The following FREM1 variants were observed in gnomAD, a reference collection of about 807,000 sequenced individuals.
The protein encoded by FREM1 is FRAS1 related extracellular matrix 1.
Under a neutral mutation model 210.1 loss-of-function variants are expected in FREM1, and 220 were observed. The observed-to-expected ratio is 1.05, with a 90% CI of 0.94 to 1.17. The LOEUF (loss-of-function observed/expected upper bound fraction) is 1.17. Ranked by LOEUF, FREM1 falls within the 50% of genes most tolerant of loss-of-function variation. FREM1 has a pLI of 0.00. For synonymous variants in FREM1, 1,189 were observed against 980.2 expected (o/e 1.21, Z -3.98); for missense variants, 3,454 against 2,675.5 (o/e 1.29, Z -6.42).
chr9:14,896,264 G>C (rs1349457546), intron 1 of FREM1, among the ~76,000 whole-genome samples: 1 of 152,172 alleles, frequency 6.6e-6, no homozygotes, highest in Non-Finnish European at 1.5e-5. Context: ...GGGAAGCATG[G>C]GCTGGGCCCC....
At chr9:14,841,702 C>A in intron 9 of FREM1, 113 bp from the exon 10 acceptor site, 1 of 641,156 alleles carries the variant, frequency 1.6e-6, no homozygotes, top group Admixed American at 3.0e-5. Flanking sequence ...TTCTATGTAC[C>A]CAAGGAATCT....
Position 14,860,571 on chromosome 9 carries a change from A to ATGTG in FREM1, c.330-1088_330-1087insCACA, listed in dbSNP as rs1564098947. ...CATATATATACACACATATATATAC[A>ATGTG]CATATATATACACATATATATACAT... is the stretch of plus-strand genomic sequence containing the variant. On this transcript the variant is annotated intron_variant, in intron 3 of 36. Transcript: ENST00000380880. Among the ~76,000 whole-genome samples the ATGTG allele has an allele frequency of 7.0e-3, 899 of 127,590 alleles. 82 individuals carry two copies. The highest frequency in any genetic ancestry group is 0.027 in the African/African-American group (773 of 28,328). 83.7% of individuals were successfully genotyped at this position (127,590 alleles called of 152,430 possible). A position where few individuals can be genotyped will look rare whatever the true frequency, so the allele number is the denominator to read the frequency against.
In FREM1 at chr9:14,816,830, A is replaced by C; in HGVS notation, c.2588T>G (p.Leu863Arg). ...ATTTGTGCCATCGGTGACCTCCAAG[A>C]GTAGGTCATCCTGAAGAACTTCAGT... ...DGTEVLQDDL[L>R]LEVTDGTNSA... Residue 863 changes from leucine (L) to arginine (R), a missense_variant, in exon 15 of 37, where the codon CTC becomes CGC. By Grantham distance (102) the Leu-to-Arg change is moderately radical. Coordinates refer to ENST00000380880, the MANE Select transcript of FREM1 (RefSeq NM_001379081.2). 1 of 1,446,344 alleles carries C rather than the reference A, an allele frequency of 6.9e-7. No homozygotes were observed. The allele number at this position is 1,446,344 out of a possible 1,614,324, so 89.6% of individuals were successfully genotyped here. A position where few individuals can be genotyped will look rare whatever the true frequency, so the allele number is the denominator to read the frequency against.
At chr9:14,817,399 G>C (rs1279365121) in intron 14 of FREM1, among the ~76,000 whole-genome samples, 8 of 152,112 alleles carry the variant, frequency 5.3e-5, no homozygotes, top group African/African-American at 1.9e-4. Flanking sequence ...CCATTGACTA[G>C]CTATCTTCCT....
In FREM1 at chr9:14,803,685, T is replaced by C. The variant is rs1444181438; in HGVS notation, c.3471+1271A>G. On this transcript the variant is annotated intron_variant, in intron 19 of 36. Transcript: ENST00000380880. ...TGCCTGGCCTAAAGCATCCTTTCAT[T>C]TCACCCTCTCTTACTGACTTTGAAG... is the stretch of plus-strand genomic sequence containing the variant. Among the ~76,000 whole-genome samples the C allele has an allele frequency of 7.9e-5, 12 of 152,186 alleles. No individual in the cohort carries two copies. The East Asian group carries it at 2.3e-3, about 29-fold the overall frequency.
intron 5 of FREM1, among the ~76,000 whole-genome samples, chr9:14,855,039 C>CT (rs1286540535): frequency 6.6e-6 from 1 of 151,468 alleles, no homozygotes; most frequent in South Asian, 2.1e-4. Flanking sequence ...TCCTTAGGGG[C>CT]TTTTTTTTAA....
At chr9:14,860,310 T>G (rs561956741) in intron 3 of FREM1, among the ~76,000 whole-genome samples, 1 of 151,782 alleles carries the variant, frequency 6.6e-6, no homozygotes, top group African/African-American at 2.4e-5. Context: ...GGAACAAACA[T>G]GCTCCCTGTT....
At chr9:14,744,961 T>C (rs1015554326) in intron 35 of FREM1, among the ~76,000 whole-genome samples, 1 of 152,170 alleles carries the variant, frequency 6.6e-6, no homozygotes, top group African/African-American at 2.4e-5. Context: ...GATTATGTCC[T>C]TTGCAGGGAC....
At chr9:14,775,707 CAAAAAA>C (rs35187926) in intron 25 of FREM1, 76 bp downstream of exon 25, 142 of 374,686 alleles carry the variant, frequency 3.8e-4, no homozygotes, top group Middle Eastern at 7.4e-4. Flanking sequence ...GACTCCCTCT[CAAAAAA>C]AAAAAAAAAA....
intron 19 of FREM1, among the ~76,000 whole-genome samples, chr9:14,804,502 G>A (rs1290814872): frequency 2.0e-5 from 3 of 152,092 alleles, no homozygotes; most frequent in East Asian, 1.9e-4. Context: ...GGAGAATGGC[G>A]TGAACCCGGG....
intron 3 of FREM1, among the ~76,000 whole-genome samples, chr9:14,861,244 CATAT>C: frequency 2.0e-5 from 1 of 50,094 alleles, no homozygotes; most frequent in South Asian, 4.3e-4. Context: ...TATATACACA[CATAT>C]ATACATATAT....
intron 4 of FREM1, 27 bp downstream of exon 4, chr9:14,859,156 C>A: frequency 6.6e-7 from 1 of 1,514,302 alleles, no homozygotes. Flanking sequence ...TTGGTAATAC[C>A]CAGAAAGGCA....
chr9:14,841,431 A>C lies in FREM1; in HGVS notation c.1881+16T>G. 6.3e-7 allele frequency: 1 copy of C among 1,577,444 alleles called. No individual in the cohort carries two copies. Among genetic ancestry groups the C allele is most frequent in the Non-Finnish European group, 8.7e-7 (1 of 1,155,256 alleles). On this transcript the variant is annotated intron_variant, in intron 10 of 36. Transcript: ENST00000380880. ...TGCACAAGACTTTGGGAAAGTGTTC[A>C]GAAACAGTCTCTTACCTGTGGCACT...
intron 10 of FREM1, among the ~76,000 whole-genome samples, chr9:14,833,007 T>G (rs973727015): frequency 2.0e-5 from 3 of 152,152 alleles, no homozygotes; most frequent in Non-Finnish European, 4.4e-5. Context: ...GGCCTCCAAC[T>G]TGTTTCATGT....
chr9:14,811,366 C>T (rs1819372577), intron 16 of FREM1, among the ~76,000 whole-genome samples: 1 of 152,186 alleles, frequency 6.6e-6, no homozygotes, highest in African/African-American at 2.4e-5. Context: ...ATTCTTCTCA[C>T]CCCTAATTTA....
intron 22 of FREM1, among the ~76,000 whole-genome samples, chr9:14,792,114 A>G (rs1851473736): frequency 6.6e-6 from 1 of 152,158 alleles, no homozygotes; most frequent in Admixed American, 6.5e-5. Context: ...AAGTGCTGGG[A>G]TTCAGATAAT....
intron 1 of FREM1, among the ~76,000 whole-genome samples, chr9:14,873,433 C>A (rs201506283): frequency 6.6e-6 from 1 of 152,076 alleles, no homozygotes; most frequent in African/African-American, 2.4e-5. Context: ...TCCATTTCTT[C>A]GATATTTTCT....
chr9:14,775,739 T>C, intron 25 of FREM1, 50 bp downstream of exon 25: 1 of 878,644 alleles, frequency 1.1e-6, no homozygotes, highest in Admixed American at 2.4e-5. Flanking sequence ...AAATTCTCGA[T>C]GTCACTGTTT....
chr9:14,882,338 A>G (rs1834936904), intron 1 of FREM1, among the ~76,000 whole-genome samples: 1 of 148,746 alleles, frequency 6.7e-6, no homozygotes, highest in Non-Finnish European at 1.5e-5. Flanking sequence ...CCAGGAAGAG[A>G]CAAGAGAAGA....
Sources: allele counts gnomAD v4.1 joint callset (sites outside exome capture counted in the v4.1 genomes callset), GRCh38; gene constraint gnomAD v4.1.1; transcripts MANE v1.5; gene names NCBI Gene and HGNC (gene_info 2026-07-23, HGNC 2026-07-21).